ARSB: variants seen among roughly 807,000 people sequenced by gnomAD.
ARSB encodes the protein arylsulfatase B.
ARSB carries 41 observed loss-of-function variants against 50.9 expected under a neutral mutation model. The observed-to-expected ratio is 0.81, with a 90% CI of 0.63 to 1.04. The LOEUF (loss-of-function observed/expected upper bound fraction) is 1.04, where lower values mean the gene tolerates loss of function less well. ARSB is among the 50% of genes least tolerant of loss of function. The pLI, the probability that ARSB is intolerant of heterozygous loss-of-function variation, is 0.00. For missense variants in ARSB, 672 were observed against 693.3 expected (o/e 0.97, Z 0.35); for synonymous variants, 269 against 284.8 (o/e 0.94, Z 0.56).
chr5:78,886,807 G>A (rs1039072095), intron 4 of ARSB, among the ~76,000 whole-genome samples: 1 of 151,996 alleles, frequency 6.6e-6, no homozygotes, highest in African/African-American at 2.4e-5. Flanking sequence ...AGCCACATGA[G>A]GGCAGTATGA....
chr5:78,841,280 T>C (rs1163631495), intron 5 of ARSB, among the ~76,000 whole-genome samples: 2 of 152,036 alleles, frequency 1.3e-5, no homozygotes, highest in African/African-American at 4.8e-5. Flanking sequence ...TAGTGAGCTA[T>C]GATCACACCA....
intron 1 of ARSB, 142 bp downstream of exon 1, chr5:78,984,795 G>A (rs1468327961): frequency 6.7e-6 from 4 of 599,956 alleles, no homozygotes; most frequent in South Asian, 1.7e-4. Context: ...AGGTTGGGGC[G>A]AGAAGCCGCC....
intron 5 of ARSB, chr5:78,885,288 T>C (rs1747956245): frequency 2.3e-6 from 1 of 435,074 alleles, no homozygotes; most frequent in Non-Finnish European, 4.0e-6. Flanking sequence ...TGCAGGAAGC[T>C]AACAATACCC....
At chr5:78,981,703 T>A (rs893900322) in intron 1 of ARSB, among the ~76,000 whole-genome samples, 10 of 152,224 alleles carry the variant, frequency 6.6e-5, no homozygotes, top group African/African-American at 2.4e-4. Flanking sequence ...GACCAAAACC[T>A]ACATCTCAGT....
chr5:78,919,389 C>T (rs1490484422), intron 4 of ARSB, among the ~76,000 whole-genome samples: 4 of 152,212 alleles, frequency 2.6e-5, no homozygotes, highest in Admixed American at 2.6e-4. Flanking sequence ...GATCCAAATA[C>T]CCAAGTTTGG....
intron 6 of ARSB, among the ~76,000 whole-genome samples, chr5:78,812,278 C>T (rs975623581): frequency 1.3e-5 from 2 of 152,094 alleles, no homozygotes; most frequent in African/African-American, 4.8e-5. Context: ...AGCATGGGCA[C>T]TGAACAGGAA....
intron 3 of ARSB, among the ~76,000 whole-genome samples, chr5:78,960,451 A>G (rs1166183143): frequency 6.6e-6 from 1 of 152,250 alleles, no homozygotes; most frequent in East Asian, 1.9e-4. Flanking sequence ...ATTGTGTCAC[A>G]GAAAAGTAAG....
chr5:78,792,625 A>G (rs970842694), intron 6 of ARSB, among the ~76,000 whole-genome samples: 1 of 152,216 alleles, frequency 6.6e-6, no homozygotes, highest in African/African-American at 2.4e-5. Flanking sequence ...CTACCTAAAT[A>G]GAATGAGTGT....
intron 4 of ARSB, among the ~76,000 whole-genome samples, chr5:78,901,585 A>G (rs1748806985): frequency 7.2e-6 from 1 of 137,956 alleles, no homozygotes; most frequent in Admixed American, 7.5e-5. Flanking sequence ...GAGTATTCTG[A>G]TATCTACGTT....
chr5:78,859,218 G>T (rs186319155), intron 5 of ARSB, among the ~76,000 whole-genome samples: 3 of 152,140 alleles, frequency 2.0e-5, no homozygotes, highest in African/African-American at 4.8e-5. Context: ...ATTAGAAAAT[G>T]TTGATGAAAT....
chr5:78,853,433 A>G (rs3098685), intron 5 of ARSB, among the ~76,000 whole-genome samples: 94,295 of 151,968 alleles, frequency 0.62, 29,625 homozygotes, highest in Middle Eastern at 0.67. Context: ...TCTCAGAGGA[A>G]TACCCGGCCG....
Position 78,955,388 on chromosome 5 carries a change from T to C in ARSB, c.805A>G (p.Met269Val). ...ACTGCTTCATCCATAAGGGACACCA[T>C]TCCTGCATAGTGATGCCTGTTCTTG... Reference protein sequence around the residue: ...QDKNRHHYAGMVSLMDEAVGN... With the variant: ...QDKNRHHYAGVVSLMDEAVGN... Residue 269 changes from methionine to valine, a missense_variant, in exon 4 of 8, where the codon ATG becomes GTG. Transcript: ENST00000264914. The C allele has an allele frequency of 6.2e-7, 1 of 1,614,206 alleles. No individual in the cohort carries two copies. The highest frequency in any genetic ancestry group is 8.5e-7 in the Non-Finnish European group (1 of 1,180,028).
At chr5:78,878,481 T>C (rs1747590112) in intron 5 of ARSB, among the ~76,000 whole-genome samples, 1 of 151,788 alleles carries the variant, frequency 6.6e-6, no homozygotes, top group Non-Finnish European at 1.5e-5. Flanking sequence ...AATAGTGCCA[T>C]AAGTCAGTGA....
At chr5:78,945,614 C>T (rs1279197096) in intron 4 of ARSB, among the ~76,000 whole-genome samples, 1 of 152,328 alleles carries the variant, frequency 6.6e-6, no homozygotes, top group Admixed American at 6.5e-5. Context: ...AAGTGCCTCA[C>T]TGTCACCATG....
intron 4 of ARSB, among the ~76,000 whole-genome samples, chr5:78,899,058 T>C (rs1323233878): frequency 6.6e-6 from 1 of 152,240 alleles, no homozygotes; most frequent in Non-Finnish European, 1.5e-5. Flanking sequence ...TATATTTGAA[T>C]GATAATTTTG....
At chr5:78,866,812 G>A (rs969870819) in intron 5 of ARSB, among the ~76,000 whole-genome samples, 1 of 151,918 alleles carries the variant, frequency 6.6e-6, no homozygotes, top group African/African-American at 2.4e-5. Flanking sequence ...GAAAGGGGCT[G>A]AGCCAAGATG....
At chr5:78,879,284 T>C (rs979870312) in intron 5 of ARSB, among the ~76,000 whole-genome samples, 37 of 152,226 alleles carry the variant, frequency 2.4e-4, no homozygotes, top group Non-Finnish European at 2.9e-5. Context: ...AGGCTGATTA[T>C]TGAGCTGAAA....
intron 6 of ARSB, chr5:78,817,047 C>A (rs757893677): frequency 3.1e-6 from 3 of 979,342 alleles, no homozygotes; most frequent in South Asian, 4.7e-5. Context: ...TGCTATACAG[C>A]GATAGGAAAT....
intron 4 of ARSB, 44 bp from the exon 5 acceptor site, chr5:78,885,871 T>C (rs1184110893): frequency 1.9e-6 from 3 of 1,613,864 alleles, no homozygotes; most frequent in Non-Finnish European, 2.5e-6. Context: ...TGTTAACTCT[T>C]AAATACATTT....
Sources: allele counts gnomAD v4.1 joint callset (sites outside exome capture counted in the v4.1 genomes callset), GRCh38; gene constraint gnomAD v4.1.1; transcripts MANE v1.5; gene names NCBI Gene and HGNC (gene_info 2026-07-23, HGNC 2026-07-21).